Variants in CIMIP6 observed in about 807,000 individuals in gnomAD.
The protein encoded by CIMIP6 is ciliary microtubule inner protein 6.
chr2:54,370,986 G>C, the CIMIP6 span, among the ~76,000 whole-genome samples: 2 of 152,212 alleles, frequency 1.3e-5, no homozygotes, highest in African/African-American at 2.4e-5. Flanking sequence ...TCTGAAGTGT[G>C]TTATGACAGG....
chr2:54,357,864 C>T, the CIMIP6 span, among the ~76,000 whole-genome samples: 69 of 151,964 alleles, frequency 4.5e-4, no homozygotes, highest in Middle Eastern at 3.4e-3. Flanking sequence ...GGATTACAGG[C>T]GTGGGCTACT....
At chr2:54,382,048 C>A in the CIMIP6 span, 1 of 1,437,934 alleles carries the variant, frequency 7.0e-7, no homozygotes, top group Non-Finnish European at 9.1e-7. Context: ...TTAGGTAGCT[C>A]ACTCCCTAAG....
the CIMIP6 span, among the ~76,000 whole-genome samples, chr2:54,351,998 C>A: frequency 0.11 from 16,080 of 151,630 alleles, 885 homozygotes; most frequent in Middle Eastern, 0.15. Context: ...GAAAAAAAAA[C>A]CTAAGAAAAC....
the CIMIP6 span, among the ~76,000 whole-genome samples, chr2:54,380,176 T>C: frequency 6.6e-6 from 1 of 151,630 alleles, no homozygotes; most frequent in African/African-American, 2.4e-5. Context: ...GGAAGGAAAA[T>C]AAATGTGTTC....
the CIMIP6 span, among the ~76,000 whole-genome samples, chr2:54,364,798 C>T: frequency 9.3e-4 from 142 of 152,308 alleles, 1 homozygote; most frequent in African/African-American, 3.2e-3. Flanking sequence ...ACTGCCTTAA[C>T]GGACTACGTT....
chr2:54,337,520 C>G, the CIMIP6 span, among the ~76,000 whole-genome samples: 1 of 152,156 alleles, frequency 6.6e-6, no homozygotes, highest in African/African-American at 2.4e-5. Context: ...ACTCTGAGCT[C>G]TAGTTCAGGG....
the CIMIP6 span, among the ~76,000 whole-genome samples, chr2:54,341,664 G>T: frequency 1.3e-5 from 2 of 152,216 alleles, no homozygotes; most frequent in African/African-American, 2.4e-5. Context: ...GGTTTGAATT[G>T]TGGCAGTGCA....
the CIMIP6 span, chr2:54,360,364 T>C: frequency 6.2e-7 from 1 of 1,610,288 alleles, no homozygotes; most frequent in Non-Finnish European, 8.5e-7. Context: ...TCTCACCAGG[T>C]CTCTGCCAAC....
the CIMIP6 span, among the ~76,000 whole-genome samples, chr2:54,358,302 T>C: frequency 3.3e-5 from 5 of 152,246 alleles, no homozygotes; most frequent in Non-Finnish European, 5.9e-5. Context: ...AGATTCAACA[T>C]AGAATTTCTC....
the CIMIP6 span, among the ~76,000 whole-genome samples, chr2:54,364,434 A>G: frequency 6.6e-6 from 1 of 152,250 alleles, no homozygotes; most frequent in Non-Finnish European, 1.5e-5. Context: ...TTAATAGCAT[A>G]AATTTGTATA....
chr2:54,362,469 C>T, the CIMIP6 span, among the ~76,000 whole-genome samples: 1 of 152,156 alleles, frequency 6.6e-6, no homozygotes, highest in African/African-American at 2.4e-5. Flanking sequence ...TCTTTCTCTT[C>T]CCTCTTTCTG....
the CIMIP6 span, among the ~76,000 whole-genome samples, chr2:54,341,676 C>T: frequency 6.6e-6 from 1 of 152,212 alleles, no homozygotes; most frequent in Non-Finnish European, 1.5e-5. Context: ...GGCAGTGCAG[C>T]AGTCTGCTGG....
At chr2:54,334,959 A>G in the CIMIP6 span, 1 of 1,604,156 alleles carries the variant, frequency 6.2e-7, no homozygotes, top group Non-Finnish European at 8.5e-7. Context: ...ATTCATTAAC[A>G]CAAATGCAAG....
At chr2:54,354,750 G>A in the CIMIP6 span, among the ~76,000 whole-genome samples, 1 of 151,670 alleles carries the variant, frequency 6.6e-6, no homozygotes, top group Non-Finnish European at 1.5e-5. Flanking sequence ...TTCTATTCAG[G>A]TAATTATATT....
the CIMIP6 span, chr2:54,343,750 G>C: frequency 6.2e-7 from 1 of 1,609,204 alleles, no homozygotes; most frequent in East Asian, 2.2e-5. Context: ...TAAAGCACTG[G>C]AACCTGTCTT....
the CIMIP6 span, among the ~76,000 whole-genome samples, chr2:54,343,344 T>C: frequency 4.6e-5 from 7 of 152,322 alleles, no homozygotes; most frequent in East Asian, 1.2e-3. Context: ...ATTTGTATTG[T>C]CATAATGAAA....
the CIMIP6 span, among the ~76,000 whole-genome samples, chr2:54,370,845 C>T: frequency 3.9e-5 from 6 of 152,268 alleles, no homozygotes; most frequent in East Asian, 1.9e-4. Context: ...AGTCTGCCCC[C>T]GTCAACTTTG....
chr2:54,368,455 A>G, the CIMIP6 span, among the ~76,000 whole-genome samples: 2 of 152,172 alleles, frequency 1.3e-5, no homozygotes, highest in African/African-American at 4.8e-5. Flanking sequence ...GATTTCCATA[A>G]CCCTAGTGCA....
At chr2:54,369,402 C>G in the CIMIP6 span, among the ~76,000 whole-genome samples, 1 of 152,138 alleles carries the variant, frequency 6.6e-6, no homozygotes, top group Non-Finnish European at 1.5e-5. Context: ...TGGAGCAGTT[C>G]ATCTCATCTA....
Sources: gnomAD v4.1 joint callset for allele counts (sites outside exome capture counted in the v4.1 genomes callset) on GRCh38, gnomAD v4.1.1 for gene constraint, MANE v1.5 for transcripts, NCBI Gene and HGNC (gene_info 2026-07-23, HGNC 2026-07-21) for gene names.